TSC1: variants seen among roughly 807,000 people sequenced by gnomAD.
TSC1 encodes hamartin.
Under a neutral mutation model 124.3 loss-of-function variants are expected in TSC1, and 20 were observed. That is an observed-to-expected ratio of 0.16 (90% CI 0.11 to 0.23). The LOEUF is 0.23. Ranked by LOEUF, TSC1 falls within the 10% of genes least tolerant of loss-of-function variation. TSC1 has a pLI of 1.00. For missense variants in TSC1, 1,124 were observed against 1,448.5 expected (o/e 0.78, Z 3.64); for synonymous variants, 493 against 539.1 (o/e 0.91, Z 1.19).
At chr9:132,925,069 A>G (rs1846777311) in intron 5 of TSC1, 3 of 162,982 alleles carry the variant, frequency 1.8e-5, no homozygotes, top group Admixed American at 5.8e-5. Flanking sequence ...AACTAAAACC[A>G]TAAAGTTCTA....
intron 2 of TSC1, among the ~76,000 whole-genome samples, chr9:132,929,447 C>T (rs1052846884): frequency 3.3e-5 from 5 of 152,142 alleles, no homozygotes; most frequent in African/African-American, 1.2e-4. Flanking sequence ...AACTGGGGAT[C>T]ATTTCTCTGT....
chr9:132,915,347 C>T (rs1269532448), intron 8 of TSC1, among the ~76,000 whole-genome samples: 2 of 152,092 alleles, frequency 1.3e-5, no homozygotes, highest in Non-Finnish European at 2.9e-5. Flanking sequence ...CATTAGATGA[C>T]ATAAAACGCT....
Position 132,891,421 on chromosome 9 carries a change from TAAG to T in TSC1, c.*4811_*4813del, listed in dbSNP as rs1410945163. On this transcript the variant is annotated 3_prime_UTR_variant, in exon 23 of 23. Transcript: ENST00000298552. Reference sequence around the variant, plus strand: ...ACTGCCTTGACATTTTAGAACATTCTAAGAAGGACAGCAAACTCTTTTGATTCC... The same window carrying T: ...ACTGCCTTGACATTTTAGAACATTCTAAGGACAGCAAACTCTTTTGATTCC... The T allele has an allele frequency of 3.4e-5, 8 of 233,398 alleles. No individual in the cohort carries two copies. The highest frequency in any genetic ancestry group is 1.8e-4 in the South Asian group (1 of 5,538). 14.5% of individuals were successfully genotyped at this position (233,398 alleles called of 1,614,324 possible).
In TSC1 at chr9:132,907,383, G is replaced by T. The variant is rs1845730285; in HGVS notation, c.1264-13C>A. 6.2e-7 allele frequency: 1 copy of T among 1,606,850 alleles called. No homozygotes were observed. On this transcript the variant is annotated splice_polypyrimidine_tract_variant and intron_variant, in intron 12 of 22. Transcript: ENST00000298552. ...CCATTCTCTCTTCCTGAAAAGATAAGTATCATTTATATCACAAGACGAAAA... is the reference window on the plus strand; with the variant it reads ...CCATTCTCTCTTCCTGAAAAGATAATTATCATTTATATCACAAGACGAAAA...
rs755655903 is a variant in TSC1 at position 132,911,522 on chromosome 9, TAAC to T, written c.957_959del (p.Leu320del). On this transcript the variant is annotated inframe_deletion, in exon 10 of 23. Transcript: ENST00000298552. ...TCTGAGGTAGCTGCCCTGGCATATTTAACAACATCAGCCGAGACGTGGAGTAAG... is the reference window on the plus strand; with the variant it reads ...TCTGAGGTAGCTGCCCTGGCATATTTAACATCAGCCGAGACGTGGAGTAAG... 7 of 1,611,690 alleles carry T rather than the reference TAAC, an allele frequency of 4.3e-6. No individual in the cohort carries two copies. In the Admixed American group the frequency reaches 8.4e-5, roughly 19 times the overall value.
Position 132,912,320 on chromosome 9 carries a change from A to G in TSC1, c.875T>C (p.Val292Ala), listed in dbSNP as rs1846007077. The G allele has an allele frequency of 6.2e-7, 1 of 1,614,126 alleles. No individual in the cohort carries two copies. ...SARFPHRSAD[V>A]TTSPYADTQN... ...TGTGTCAGCATAAGGGCTGGTGGTG[A>G]CATCGGCTGAACGATGAGGAAAGCG... Residue 292 changes from valine to alanine, a missense_variant, in exon 9 of 23, where the codon GTC becomes GCC. Coordinates refer to ENST00000298552, the MANE Select transcript of TSC1 (RefSeq NM_000368.5).
At position 132,935,038 on chromosome 9, in the gene TSC1, C is replaced by G. The variant is rs1172870649; in HGVS notation, c.-86G>C. 1 of 398,986 alleles carries G rather than the reference C, an allele frequency of 2.5e-6. No homozygotes were observed. The highest frequency in any genetic ancestry group is 2.1e-5 in the African/African-American group (1 of 48,648). 24.7% of individuals were successfully genotyped at this position (398,986 alleles called of 1,614,324 possible). A position where few individuals can be genotyped will look rare whatever the true frequency, so the allele number is the denominator to read the frequency against. On this transcript the variant is annotated 5_prime_UTR_variant, in exon 2 of 23. Transcript: ENST00000298552. ...CTGGCCTGGTTATAGCTTACCTGTT[C>G]TAGCGACAACTGGTACTTCAGTTTC...
At chr9:132,943,176 G>C (rs993627072) in intron 1 of TSC1, among the ~76,000 whole-genome samples, 5 of 151,016 alleles carry the variant, frequency 3.3e-5, no homozygotes, top group African/African-American at 7.3e-5. Flanking sequence ...TTCTATTTTA[G>C]CACTTTTATA....
chr9:132,922,019 T>A (rs1422700714), intron 6 of TSC1, 46 bp from the exon 7 acceptor site: 1 of 1,613,246 alleles, frequency 6.2e-7, no homozygotes, highest in Admixed American at 1.7e-5. Context: ...TGGAGACAGA[T>A]TGAGGAGTGC....
At chr9:132,912,223 AAAT>A in intron 9 of TSC1, 56 bp downstream of exon 9, 1 of 1,601,286 alleles carries the variant, frequency 6.2e-7, no homozygotes, top group Non-Finnish European at 8.6e-7. Flanking sequence ...CAACAAAGAC[AAAT>A]AATGTTTTCC....
chr9:132,925,854 G>GTCTCTA, intron 4 of TSC1, 115 bp from the exon 5 acceptor site: 1 of 1,346,776 alleles, frequency 7.4e-7, no homozygotes, highest in Non-Finnish European at 1.0e-6. Context: ...GTAAAGCAAG[G>GTCTCTA]GTCATGCAGA....
chr9:132,898,014 G>A (rs192262891), intron 20 of TSC1, among the ~76,000 whole-genome samples: 10 of 152,308 alleles, frequency 6.6e-5, no homozygotes, highest in Non-Finnish European at 1.3e-4. Flanking sequence ...AAGACTGTGT[G>A]AATAGTACAA....
intron 1 of TSC1, among the ~76,000 whole-genome samples, chr9:132,935,582 C>G (rs1235105473): frequency 6.6e-6 from 1 of 152,220 alleles, no homozygotes; most frequent in Non-Finnish European, 1.5e-5. Flanking sequence ...ACGGGGCACA[C>G]CGAAGTTACT....
chr9:132,892,168 C>CG lies in TSC1; in HGVS notation c.*4066dup. 1 of 233,224 alleles carries CG rather than the reference C, an allele frequency of 4.3e-6. No homozygotes were observed. The highest frequency in any genetic ancestry group is 6.0e-5 in the East Asian group (1 of 16,570). The allele number at this position is 233,224 out of a possible 1,614,324, so 14.4% of individuals were successfully genotyped here. ...CAGGAACACGCTCCCCTGGGCACAT[C>CG]GAAGAGTCCCGGACAGGCAAACAAG... On this transcript the variant is annotated 3_prime_UTR_variant, in exon 23 of 23. Transcript: ENST00000298552.
intron 15 of TSC1, among the ~76,000 whole-genome samples, 189 bp downstream of exon 15, chr9:132,905,392 G>A (rs1219451671): frequency 3.3e-5 from 5 of 152,116 alleles, no homozygotes; most frequent in Non-Finnish European, 7.3e-5. Context: ...CCCAATTTAG[G>A]TGCACAGAGG....
intron 1 of TSC1, among the ~76,000 whole-genome samples, chr9:132,937,183 C>T (rs888600622): frequency 7.2e-5 from 11 of 152,230 alleles, no homozygotes; most frequent in Non-Finnish European, 1.5e-4. Flanking sequence ...GTGGCTCACG[C>T]CTGTAATCCC....
Position 132,902,452 on chromosome 9 carries a change from G to A in TSC1, c.2391+153C>T, listed in dbSNP as rs1845430952. 6.6e-6 allele frequency among the ~76,000 whole-genome samples: 1 copy of A among 152,198 alleles called. No individual in the cohort carries two copies. The highest frequency in any genetic ancestry group is 6.5e-5 in the Admixed American group (1 of 15,282). ...CCTCTGTCCTAAGTAAGATTCACCT[G>A]CCATGAAGAATTTCTGCCATGATTT... On this transcript the variant is annotated intron_variant, in intron 18 of 22. Transcript: ENST00000298552. This position sits in a 1 kb window ranked among gnomAD's most constrained non-coding sequence, Gnocchi z 5.2.
In TSC1 at chr9:132,926,289, C is replaced by A. The variant is rs1455470084; in HGVS notation, c.211-550G>T. 7 of 182,674 alleles carry A rather than the reference C, an allele frequency of 3.8e-5. No homozygotes were observed. In the East Asian group the frequency reaches 8.8e-4, roughly 23 times the overall value. 11.3% of individuals were successfully genotyped at this position (182,674 alleles called of 1,614,324 possible). On this transcript the variant is annotated intron_variant, in intron 4 of 22. Transcript: ENST00000298552. ...GTTACAGTGAGCTATGATTGTGCCACCACGCTCCAGTCTAGGGAACACAAT... is the reference window on the plus strand; with the variant it reads ...GTTACAGTGAGCTATGATTGTGCCAACACGCTCCAGTCTAGGGAACACAAT...
Position 132,906,548 on chromosome 9 carries a change from CAAA to C in TSC1, c.1438+180_1438+182del, listed in dbSNP as rs11349075. The C allele has an allele frequency of 0.012, 4,869 of 395,484 alleles. No homozygotes were observed. Among genetic ancestry groups the C allele is most frequent in the Middle Eastern group, 0.019 (27 of 1,414 alleles). The allele number at this position is 395,484 out of a possible 1,614,324, so 24.5% of individuals were successfully genotyped here. On this transcript the variant is annotated intron_variant, in intron 14 of 22. Transcript: ENST00000298552. The surrounding 1 kb of genome is among the most constrained non-coding windows in gnomAD (Gnocchi z 4.1). ...AGGGTGACAGAGCAAGACCCTGTCT[CAAA>C]AAAAAAAAAAAAAAAAGTGGCATCA...
Sources: allele counts gnomAD v4.1 joint callset (sites outside exome capture counted in the v4.1 genomes callset), GRCh38; gene constraint gnomAD v4.1.1; non-coding constraint Gnocchi (gnomAD v3.1); transcripts MANE v1.5; gene names NCBI Gene and HGNC (gene_info 2026-07-23, HGNC 2026-07-21).